USP20: variants seen among roughly 807,000 people sequenced by gnomAD.
The protein encoded by USP20 is ubiquitin carboxyl-terminal hydrolase 20.
In USP20, 80 loss-of-function variants were observed where a neutral mutation model predicts 124.2. The ratio of observed to expected loss-of-function variants is 0.64; its 90% CI spans 0.54 to 0.78. USP20 has a LOEUF of 0.78. Among genes scored for constraint, USP20 ranks in the 30% least tolerant of loss-of-function variants. USP20 has a pLI of 0.00. For synonymous variants in USP20, 481 were observed against 512.3 expected (o/e 0.94, Z 0.83); for missense variants, 1,043 against 1,244.4 (o/e 0.84, Z 2.44).
intron 22 of USP20, among the ~76,000 whole-genome samples, chr9:129,877,146 A>G (rs1481914713): frequency 6.6e-6 from 1 of 152,192 alleles, no homozygotes; most frequent in Non-Finnish European, 1.5e-5. Context: ...TACTTCTAAC[A>G]GGGTTAGGAC....
At chr9:129,844,439 A>C (rs574875502) in intron 1 of USP20, among the ~76,000 whole-genome samples, 1 of 152,118 alleles carries the variant, frequency 6.6e-6, no homozygotes, top group African/African-American at 2.4e-5. Context: ...CAGCTTGGGC[A>C]ACATGACGAA....
intron 15 of USP20, among the ~76,000 whole-genome samples, chr9:129,872,530 A>G (rs1401215377): frequency 6.6e-6 from 1 of 152,050 alleles, no homozygotes; most frequent in African/African-American, 2.4e-5. Context: ...GGTGCGTTTC[A>G]TTCTGTGGTT....
At chr9:129,872,130 T>C (rs147155093) in intron 15 of USP20, among the ~76,000 whole-genome samples, 1 of 152,156 alleles carries the variant, frequency 6.6e-6, no homozygotes, top group East Asian at 1.9e-4. Context: ...TTTTGCCTAT[T>C]TTGTTTTTTG....
intron 1 of USP20, among the ~76,000 whole-genome samples, chr9:129,843,313 C>T (rs1251482866): frequency 6.6e-6 from 1 of 151,962 alleles, no homozygotes; most frequent in East Asian, 1.9e-4. Flanking sequence ...TCCTGTAATC[C>T]CAGCTACTCT....
intron 10 of USP20, among the ~76,000 whole-genome samples, chr9:129,867,585 A>T (rs1454623878): frequency 6.6e-6 from 1 of 151,962 alleles, no homozygotes; most frequent in African/African-American, 2.4e-5. Flanking sequence ...ACACTCCCTC[A>T]TCCTTCCGCC....
In USP20 at chr9:129,875,413, A is replaced by G; in HGVS notation, c.2152A>G (p.Asn718Asp). The G allele has an allele frequency of 1.2e-6, 2 of 1,613,744 alleles. No homozygotes were observed. The highest frequency in any genetic ancestry group is 1.7e-6 in the Non-Finnish European group (2 of 1,179,972). Residue 718 changes from asparagine to aspartate, a missense_variant, in exon 20 of 26, where the codon AAC (asparagine) becomes GAC (aspartate). Asn to Asp is a conservative substitution (Grantham distance 23). Coordinates refer to ENST00000372429, the MANE Select transcript of USP20 (RefSeq NM_001110303.4). ...LRFYVSREWL[N>D]KFNTFAEPGP... ...GTTCTACGTGTCCCGCGAGTGGCTC[A>G]ACAAGTTCAACACCTTCGCGGAGCC... is the stretch of plus-strand genomic sequence containing the variant.
chr9:129,861,445 C>A, intron 7 of USP20, 98 bp from the exon 8 acceptor site: 1 of 1,074,088 alleles, frequency 9.3e-7, no homozygotes, highest in Non-Finnish European at 1.4e-6. Context: ...GGGTCTTGGG[C>A]AGTTGAGAGC....
At chr9:129,853,462 C>G (rs1235724126) in intron 3 of USP20, among the ~76,000 whole-genome samples, 1 of 152,210 alleles carries the variant, frequency 6.6e-6, no homozygotes, top group East Asian at 1.9e-4. Flanking sequence ...ACACATGATG[C>G]TGCGATGAAT....
chr9:129,880,238 GAGC>G lies in USP20; in HGVS notation c.2713_2715del (p.Gln905del). ...GCTGGGCCCAGAGAACCTGCACGGG[GAGC>G]AGAAGATCGAAGCCGAGACGCGGGC... On this transcript the variant is annotated inframe_deletion, in exon 25 of 26. Coordinates refer to ENST00000372429, the MANE Select transcript of USP20 (RefSeq NM_001110303.4). The G allele has an allele frequency of 6.2e-7, 1 of 1,612,168 alleles. No homozygotes were observed. The highest frequency in any genetic ancestry group is 8.5e-7 in the Non-Finnish European group (1 of 1,179,498).
intron 22 of USP20, among the ~76,000 whole-genome samples, chr9:129,878,046 T>A (rs183203359): frequency 7.8e-4 from 119 of 152,326 alleles, no homozygotes; most frequent in African/African-American, 2.8e-3. Flanking sequence ...CACTCCAGCC[T>A]GGGTGACAGA....
At chr9:129,853,890 G>A (rs1050986043) in intron 3 of USP20, among the ~76,000 whole-genome samples, 12 of 152,254 alleles carry the variant, frequency 7.9e-5, no homozygotes, top group African/African-American at 2.9e-4. Flanking sequence ...CAGAGACTGG[G>A]CTTGTCTGGG....
intron 1 of USP20, 90 bp downstream of exon 1, chr9:129,835,589 C>T (rs2031753504): frequency 5.9e-6 from 1 of 170,166 alleles, no homozygotes; most frequent in African/African-American, 2.4e-5. Flanking sequence ...CAGGGCCTGG[C>T]TTCGCCAGGT....
intron 1 of USP20, among the ~76,000 whole-genome samples, chr9:129,843,891 C>CT (rs370732313): frequency 2.0e-4 from 30 of 152,268 alleles, no homozygotes; most frequent in African/African-American, 7.0e-4. Flanking sequence ...TGGCAAAACT[C>CT]TGTCTCTATA....
intron 1 of USP20, among the ~76,000 whole-genome samples, chr9:129,848,631 C>T (rs947033117): frequency 4.0e-5 from 6 of 149,444 alleles, no homozygotes; most frequent in Admixed American, 2.0e-4. Context: ...CCAGCCTGAG[C>T]GGCAGAGTGA....
At position 129,856,287 on chromosome 9, in the gene USP20, T is replaced by C. The variant is rs2131058415; in HGVS notation, c.82-20T>C. 1 of 1,613,548 alleles carries C rather than the reference T, an allele frequency of 6.2e-7. No individual in the cohort carries two copies. Among genetic ancestry groups the C allele is most frequent in the East Asian group, 2.2e-5 (1 of 44,884 alleles). The stretch of plus-strand genomic sequence containing the variant: ...GGGCTCCTCATGCCTGCTCTTTTTC[T>C]CTCCTCTCAACTCACACAGGGAACC... On this transcript the variant is annotated intron_variant, in intron 3 of 25. Transcript: ENST00000372429.
chr9:129,864,091 C>A (rs2089046), intron 9 of USP20, among the ~76,000 whole-genome samples: 1 of 134,646 alleles, frequency 7.4e-6, no homozygotes, highest in Non-Finnish European at 1.6e-5. Flanking sequence ...GTTGACAAAG[C>A]GAGACTCTGT....
chr9:129,855,435 C>CA (rs1156549321), intron 3 of USP20, among the ~76,000 whole-genome samples: 107 of 10,376 alleles, frequency 0.01, no homozygotes, highest in African/African-American at 0.031. Context: ...CATCTCAAAA[C>CA]AAAAAAAAAA....
At chr9:129,871,289 G>A (rs1372358830) in intron 15 of USP20, among the ~76,000 whole-genome samples, 2 of 151,892 alleles carry the variant, frequency 1.3e-5, no homozygotes, top group East Asian at 1.9e-4. Flanking sequence ...TGTGACTGAC[G>A]GCTTTTACTG....
chr9:129,843,741 A>AAAAAC (rs761846207), intron 1 of USP20, among the ~76,000 whole-genome samples: 7 of 152,032 alleles, frequency 4.6e-5, no homozygotes, highest in African/African-American at 9.7e-5. Flanking sequence ...TCCATCTCAA[A>AAAAAC]AAAACAAAAC....
Sources: gnomAD v4.1 joint callset for allele counts (sites outside exome capture counted in the v4.1 genomes callset) on GRCh38, gnomAD v4.1.1 for gene constraint, MANE v1.5 for transcripts, NCBI Gene and HGNC (gene_info 2026-07-23, HGNC 2026-07-21) for gene names.